The following SH3D19 variants were observed in gnomAD, a reference collection of about 807,000 sequenced individuals.
SH3D19 encodes the protein SH3 domain-containing protein 19.
SH3D19 carries 58 observed loss-of-function variants against 112.1 expected under a neutral mutation model. The observed-to-expected ratio is 0.52, with a 90% confidence interval of 0.42 to 0.64. The LOEUF (loss-of-function observed/expected upper bound fraction) is 0.64, where lower values mean the gene tolerates loss of function less well. Ranked by LOEUF, SH3D19 falls within the 30% of genes least tolerant of loss-of-function variation. SH3D19 has a pLI of 0.00. For synonymous variants in SH3D19, 391 were observed against 448.5 expected (o/e 0.87, Z 1.62); for missense variants, 1,090 against 1,263.4 (o/e 0.86, Z 2.08).
At chr4:151,273,463 G>A (rs34467317) in intron 1 of SH3D19, among the ~76,000 whole-genome samples, 3,346 of 151,806 alleles carry the variant, frequency 0.022, 129 homozygotes, top group African/African-American at 0.075. Flanking sequence ...GGTGGTGGGC[G>A]CCTGTAGTCC....
intron 1 of SH3D19, among the ~76,000 whole-genome samples, chr4:151,243,706 A>C (rs1156245504): frequency 6.6e-6 from 1 of 152,260 alleles, no homozygotes; most frequent in Admixed American, 6.5e-5. Context: ...ATATGTCTCC[A>C]GGGCTATACC....
chr4:151,194,102 T>C (rs1763053400), intron 2 of SH3D19, among the ~76,000 whole-genome samples: 2 of 146,722 alleles, frequency 1.4e-5, no homozygotes, highest in Non-Finnish European at 3.0e-5. Context: ...CTCGGCTTAC[T>C]GCAACCTCTG....
intron 1 of SH3D19, among the ~76,000 whole-genome samples, chr4:151,308,158 G>A (rs1468565867): frequency 1.3e-5 from 2 of 152,018 alleles, no homozygotes; most frequent in African/African-American, 4.8e-5. Flanking sequence ...CACCCACCTC[G>A]GCCTCCCAAA....
chr4:151,147,827 A>C, intron 11 of SH3D19, 95 bp downstream of exon 11: 9 of 1,454,522 alleles, frequency 6.2e-6, no homozygotes, highest in Non-Finnish European at 8.3e-6. Flanking sequence ...ACAATTCCAC[A>C]TTTGTTCCAT....
intron 1 of SH3D19, among the ~76,000 whole-genome samples, chr4:151,276,088 C>G (rs1041104908): frequency 6.6e-6 from 1 of 152,262 alleles, no homozygotes; most frequent in East Asian, 1.9e-4. Context: ...GGTGATCCAC[C>G]CGCCTCGGCC....
At chr4:151,276,507 T>A (rs994402145) in intron 1 of SH3D19, among the ~76,000 whole-genome samples, 1 of 152,120 alleles carries the variant, frequency 6.6e-6, no homozygotes, top group African/African-American at 2.4e-5. Flanking sequence ...CGCATCCTTC[T>A]TAGCTCAGTA....
At chr4:151,151,894 T>G (rs571197283) in intron 9 of SH3D19, among the ~76,000 whole-genome samples, 3 of 152,266 alleles carry the variant, frequency 2.0e-5, no homozygotes, top group Admixed American at 1.3e-4. Flanking sequence ...TAAAGAAAAT[T>G]TAAAAAATAG....
rs369401985 is a variant in SH3D19 at position 151,297,370 on chromosome 4, A to G, written c.112+27871T>C. On this transcript the variant is annotated intron_variant, in intron 1 of 19. Coordinates refer to ENST00000604030, the MANE Select transcript of SH3D19 (RefSeq NM_001378122.1). Reference sequence around the variant, plus strand: ...CTGTGGCACTTTGTGTGCCATTCTTATGACACTTAGCCCACATAGCCTTGT... The same window carrying G: ...CTGTGGCACTTTGTGTGCCATTCTTGTGACACTTAGCCCACATAGCCTTGT... Among the ~76,000 whole-genome samples the G allele has an allele frequency of 3.9e-5, 6 of 152,220 alleles. No individual in the cohort carries two copies. The East Asian group carries it at 5.8e-4, about 15-fold the overall frequency.
chr4:151,159,644 T>C (rs970789596), intron 8 of SH3D19, among the ~76,000 whole-genome samples: 1 of 152,234 alleles, frequency 6.6e-6, no homozygotes, highest in East Asian at 1.9e-4. Context: ...GCTCTATATT[T>C]ACATACATTT....
chr4:151,255,628 G>T lies in SH3D19; in HGVS notation c.113-29542C>A, dbSNP rs148113892. The stretch of plus-strand genomic sequence containing the variant: ...CTCCTCACTTCCCAGACGGGGTGGC[G>T]GCCGGGCAGAGGCTGCAATCTCGGC... On this transcript the variant is annotated intron_variant, in intron 1 of 19. Transcript: ENST00000604030. 4.0e-5 allele frequency among the ~76,000 whole-genome samples: 6 copies of T among 150,380 alleles called. No individual in the cohort carries two copies. In the East Asian group the frequency reaches 1.2e-3, roughly 30 times the overall value.
At chr4:151,236,139 C>G (rs527770858) in intron 1 of SH3D19, among the ~76,000 whole-genome samples, 4 of 152,390 alleles carry the variant, frequency 2.6e-5, no homozygotes, top group Non-Finnish European at 4.4e-5. Flanking sequence ...GGCGTCCGCT[C>G]TGGCCGCGCT....
intron 12 of SH3D19, among the ~76,000 whole-genome samples, chr4:151,143,483 A>T (rs1015899126): frequency 9.9e-5 from 15 of 152,096 alleles, no homozygotes; most frequent in African/African-American, 3.6e-4. Context: ...TCCAAATACA[A>T]TTTTTTAGTT....
intron 2 of SH3D19, among the ~76,000 whole-genome samples, chr4:151,207,096 G>A (rs1415872560): frequency 6.6e-6 from 1 of 152,164 alleles, no homozygotes; most frequent in Non-Finnish European, 1.5e-5. Flanking sequence ...AAATGGGGTA[G>A]GACCACGTGG....
At chr4:151,277,345 A>T (rs944643760) in intron 1 of SH3D19, 13 of 650,882 alleles carry the variant, frequency 2.0e-5, no homozygotes, top group Non-Finnish European at 2.7e-5. Context: ...CAGCCTGAGA[A>T]GGTCCTGAGA....
intron 1 of SH3D19, among the ~76,000 whole-genome samples, chr4:151,292,095 G>C (rs1424823716): frequency 1.3e-5 from 2 of 152,118 alleles, no homozygotes; most frequent in African/African-American, 4.8e-5. Flanking sequence ...TGTGGCCAGG[G>C]GATGAAGACC....
chr4:151,183,674 TA>T (rs933012223), intron 3 of SH3D19, among the ~76,000 whole-genome samples: 1 of 152,192 alleles, frequency 6.6e-6, no homozygotes, highest in African/African-American at 2.4e-5. Context: ...TTATTAATTA[TA>T]AATACCCTTG....
intron 1 of SH3D19, among the ~76,000 whole-genome samples, chr4:151,309,953 G>A (rs1021619381): frequency 1.3e-5 from 2 of 151,834 alleles, no homozygotes; most frequent in South Asian, 2.1e-4. Flanking sequence ...TGACACCGCT[G>A]CCCTCCAGCC....
At chr4:151,198,366 T>A (rs1486767987) in intron 2 of SH3D19, among the ~76,000 whole-genome samples, 1 of 102,634 alleles carries the variant, frequency 9.7e-6, no homozygotes, top group African/African-American at 3.0e-5. Context: ...TAAAATTATA[T>A]TATATAAAAA....
intron 1 of SH3D19, among the ~76,000 whole-genome samples, chr4:151,237,228 T>C (rs994378390): frequency 6.6e-6 from 1 of 152,228 alleles, no homozygotes. Context: ...GGTCTGTGGC[T>C]TCATTCTTGA....
Sources: allele counts gnomAD v4.1 joint callset (sites outside exome capture counted in the v4.1 genomes callset), GRCh38; gene constraint gnomAD v4.1.1; transcripts MANE v1.5; gene names NCBI Gene and HGNC (gene_info 2026-07-23, HGNC 2026-07-21).